The following AP1B1 variants were observed in gnomAD, a reference collection of about 807,000 sequenced individuals.
The protein encoded by AP1B1 is AP-1 complex subunit beta-1.
In AP1B1, 36 loss-of-function variants were observed where a neutral mutation model predicts 104.3. That is an observed-to-expected ratio of 0.35 (90% CI 0.26 to 0.46). AP1B1 has a LOEUF of 0.46. Among genes scored for constraint, AP1B1 ranks in the 20% least tolerant of loss-of-function variants. The pLI, the probability that AP1B1 is intolerant of heterozygous loss-of-function variation, is 1.00. For missense variants in AP1B1, 901 were observed against 1,247.9 expected (o/e 0.72, Z 4.19); for synonymous variants, 504 against 517.5 (o/e 0.97, Z 0.35).
rs774271155 is a variant in AP1B1, at chr22:29,356,420, G to A, written c.716+6C>T. 6.2e-6 allele frequency: 10 copies of A among 1,604,186 alleles called. No individual in the cohort carries two copies. The highest frequency in any genetic ancestry group is 1.7e-5 in the Admixed American group (1 of 59,756). On this transcript the variant is annotated splice_donor_region_variant and intron_variant, in intron 6 of 22. Coordinates refer to ENST00000357586, the MANE Select transcript of AP1B1 (RefSeq NM_001127.4). ...TGGGCTGGCAAGCAACGGGCAGCCC[G>A]CTCACCTCTGGGCCTCGCGGTCGTC...
chr22:29,363,063 C>T lies in AP1B1; in HGVS notation c.81G>A (p.Lys27=), dbSNP rs779677515. Residue 27 remains lysine (K), a synonymous_variant, in exon 3 of 23, where the codon AAG becomes AAA. Transcript: ENST00000357586. ...TCTTCACTGCCTCCTTCTTCTTCTC[C>T]TTCTTGTCACTGTTGAGCTCTGCCT... ...ELKAELNSDK[K]EKKKEAVKKV... is the part of the protein sequence containing the mutation. 3 of 1,568,148 alleles carry T rather than the reference C, an allele frequency of 1.9e-6. No homozygotes were observed. The highest frequency in any genetic ancestry group is 2.6e-6 in the Non-Finnish European group (3 of 1,137,940).
intron 17 of AP1B1, chr22:29,333,322 T>C (rs568712526): frequency 6.5e-6 from 1 of 154,500 alleles, no homozygotes; most frequent in African/African-American, 2.4e-5. Flanking sequence ...ACACCCAGTG[T>C]AGCGGACCCG....
intron 1 of AP1B1, among the ~76,000 whole-genome samples, chr22:29,373,626 G>A: frequency 6.6e-6 from 1 of 152,154 alleles, no homozygotes; most frequent in Admixed American, 6.5e-5. Flanking sequence ...TTTAAAAAAT[G>A]TGCTGGGCGC....
chr22:29,363,158 A>C, intron 2 of AP1B1, 52 bp from the exon 3 acceptor site: 1 of 821,376 alleles, frequency 1.2e-6, no homozygotes, highest in Non-Finnish European at 2.1e-6. Context: ...GGCAGGGGAC[A>C]ATTCCCAGTA....
intron 6 of AP1B1, among the ~76,000 whole-genome samples, chr22:29,355,759 G>A (rs1202966510): frequency 3.3e-5 from 5 of 150,866 alleles, no homozygotes; most frequent in South Asian, 4.2e-4. Flanking sequence ...AGCTGCTCAT[G>A]TTGGCATGCA....
At chr22:29,385,082 G>A (rs2062500529) in intron 1 of AP1B1, among the ~76,000 whole-genome samples, 1 of 151,466 alleles carries the variant, frequency 6.6e-6, no homozygotes, top group Admixed American at 6.6e-5. Flanking sequence ...AGCAAAGACA[G>A]AGAGGTATAA....
chr22:29,330,870 C>T (rs2061547646), intron 19 of AP1B1, among the ~76,000 whole-genome samples, 161 bp from the exon 20 acceptor site: 1 of 152,208 alleles, frequency 6.6e-6, no homozygotes, highest in African/African-American at 2.4e-5. Context: ...AGCACACCCT[C>T]CGCTCTGTGA....
intron 1 of AP1B1, among the ~76,000 whole-genome samples, chr22:29,378,755 A>G (rs1467940535): frequency 6.7e-6 from 1 of 148,996 alleles, no homozygotes; most frequent in African/African-American, 2.5e-5. Flanking sequence ...GCTACTCGGG[A>G]GGCTGAGGCA....
intron 11 of AP1B1, among the ~76,000 whole-genome samples, chr22:29,347,280 A>G (rs1281314959): frequency 6.6e-6 from 1 of 152,112 alleles, no homozygotes; most frequent in African/African-American, 2.4e-5. Flanking sequence ...TTTGAAACCA[A>G]TTTGGCCCAA....
intron 7 of AP1B1, among the ~76,000 whole-genome samples, chr22:29,352,668 C>T (rs2061894867): frequency 6.6e-6 from 1 of 152,168 alleles, no homozygotes; most frequent in Non-Finnish European, 1.5e-5. Context: ...GCAGCTCATG[C>T]CTGTCATCCC....
Position 29,350,048 on chromosome 22 carries a change from T to G in AP1B1, c.1258A>C (p.Lys420Gln). Residue 420 changes from lysine to glutamine, a missense_variant, in exon 10 of 23, where the codon AAG becomes CAG. This residue lies in a region of AP1B1 where 471 missense variants were observed against 696.7 expected (regional missense o/e 0.68). Coordinates refer to ENST00000357586, the MANE Select transcript of AP1B1 (RefSeq NM_001127.4). The stretch of plus-strand genomic sequence containing the variant: ...GCGGGCACGCACTTGTTGGGGTACT[T>G]GCGGAAGATGTCCTTGATGACCACG... ...AIVVIKDIFR[K>Q]YPNKYESVIA... The G allele has an allele frequency of 6.2e-7, 1 of 1,614,118 alleles. No individual in the cohort carries two copies.
In AP1B1 at chr22:29,375,373, A is replaced by T. The variant is rs935226847; in HGVS notation, c.-27-8103T>A. 6.1e-4 allele frequency among the ~76,000 whole-genome samples: 91 copies of T among 149,518 alleles called. 1 individual carries two copies. The highest frequency in any genetic ancestry group is 6.8e-3 in the Middle Eastern group (2 of 292). ...ACAAAAAAAAAAAAAAAAAAAAAAA[A>T]AAAGCATCTCAGATTTCCCCACAGA... On this transcript the variant is annotated intron_variant, in intron 1 of 22. Transcript: ENST00000357586.
chr22:29,351,374 C>A, intron 8 of AP1B1, 108 bp from the exon 9 acceptor site: 1 of 1,271,252 alleles, frequency 7.9e-7, no homozygotes, highest in Non-Finnish European at 1.1e-6. Flanking sequence ...TGGGATTCTG[C>A]CTCCTGCTCC....
intron 2 of AP1B1, among the ~76,000 whole-genome samples, chr22:29,363,679 A>C (rs1484147419): frequency 6.6e-6 from 1 of 151,314 alleles, no homozygotes; most frequent in African/African-American, 2.4e-5. Flanking sequence ...GGATTACTTG[A>C]GCTCAGGAGT....
At chr22:29,363,837 C>T (rs1239758160) in intron 2 of AP1B1, among the ~76,000 whole-genome samples, 2 of 151,522 alleles carry the variant, frequency 1.3e-5, no homozygotes, top group South Asian at 2.1e-4. Flanking sequence ...TCGAGGTTGC[C>T]GTGAGCCATG....
chr22:29,377,765 C>T (rs1217861506), intron 1 of AP1B1, among the ~76,000 whole-genome samples: 2 of 150,064 alleles, frequency 1.3e-5, no homozygotes, highest in Non-Finnish European at 3.0e-5. Context: ...TAGCCAAGAT[C>T]GTGCCACTGT....
chr22:29,330,183 A>G (rs1013803105), intron 21 of AP1B1, 195 bp downstream of exon 21: 33 of 1,445,380 alleles, frequency 2.3e-5, no homozygotes, highest in African/African-American at 5.7e-5. Flanking sequence ...CCGAGACCCA[A>G]TTGGTGTCTT....
chr22:29,328,962 G>A lies in AP1B1; in HGVS notation c.2776-67C>T. The A allele has an allele frequency of 6.4e-7, 1 of 1,565,932 alleles. No individual in the cohort carries two copies. Among genetic ancestry groups the A allele is most frequent in the Non-Finnish European group, 8.6e-7 (1 of 1,158,640 alleles). Reference sequence around the variant, plus strand: ...TGGGGTTCCTCTCAGGAAGGAAAGGGGTGGGGAAGAGAGCAGGAACCAATG... The same window carrying A: ...TGGGGTTCCTCTCAGGAAGGAAAGGAGTGGGGAAGAGAGCAGGAACCAATG... On this transcript the variant is annotated intron_variant, in intron 22 of 22. Coordinates refer to ENST00000357586, the MANE Select transcript of AP1B1 (RefSeq NM_001127.4). This position sits in a 1 kb window ranked among gnomAD's most constrained non-coding sequence, Gnocchi z 4.1.
At position 29,363,425 on chromosome 22, in the gene AP1B1, G is replaced by A. The variant is rs376007850; in HGVS notation, c.38-319C>T. 1.0e-3 allele frequency among the ~76,000 whole-genome samples: 156 copies of A among 152,290 alleles called. 2 individuals carry two copies. In the South Asian group the frequency reaches 0.023, roughly 23 times the overall value. On this transcript the variant is annotated intron_variant, in intron 2 of 22. Coordinates refer to ENST00000357586, the MANE Select transcript of AP1B1 (RefSeq NM_001127.4). ...AGCACTTTGGGAGTCCGAGGCAGGCGGATCACGAGGTCAGAAGATCAAGAC... is the reference window on the plus strand; with the variant it reads ...AGCACTTTGGGAGTCCGAGGCAGGCAGATCACGAGGTCAGAAGATCAAGAC...
Sources: allele counts gnomAD v4.1 joint callset (sites outside exome capture counted in the v4.1 genomes callset), GRCh38; gene constraint gnomAD v4.1.1; regional missense constraint gnomAD v4.1.1; non-coding constraint Gnocchi (gnomAD v3.1); transcripts MANE v1.5; gene names NCBI Gene and HGNC (gene_info 2026-07-23, HGNC 2026-07-21).